Variants in NEK4 observed in about 807,000 individuals in gnomAD.
NEK4 encodes the protein NIMA related kinase 4, also known as serine/threonine-protein kinase Nek4.
NEK4 carries 86 observed loss-of-function variants against 98.4 expected under a neutral mutation model. The ratio of observed to expected loss-of-function variants is 0.87; its 90% CI spans 0.73 to 1.05. The LOEUF is 1.05. Ranked by LOEUF, NEK4 falls within the 50% of genes least tolerant of loss-of-function variation. The probability of loss-of-function intolerance (pLI) is 0.00; values close to 1 mark genes in which losing one functional copy is unlikely to be tolerated. For synonymous variants in NEK4, 328 were observed against 342.2 expected (o/e 0.96, Z 0.46); for missense variants, 898 against 950.3 (o/e 0.94, Z 0.72).
chr3:52,740,514 C>T (rs2159644), intron 13 of NEK4, among the ~76,000 whole-genome samples: 69,424 of 151,954 alleles, frequency 0.46, 16,179 homozygotes, highest in Admixed American at 0.52. Flanking sequence ...AAAGTAAAAA[C>T]AGGCCAGGTG....
Position 52,768,515 on chromosome 3 carries a change from C to T in NEK4, c.183G>A (p.Lys61=), listed in dbSNP as rs564298949. The T allele has an allele frequency of 3.7e-6, 6 of 1,614,200 alleles. No homozygotes were observed. In the African/African-American group the frequency reaches 6.7e-5, roughly 18 times the overall value. Reference sequence around the variant, plus strand: ...CCTTGTAGGTGACAATGTTGGGATGCTTCAACTGAGACAAGAGCTGGGCTT... The same window carrying T: ...CCTTGTAGGTGACAATGTTGGGATGTTTCAACTGAGACAAGAGCTGGGCTT... ...EQEAQLLSQL[K]HPNIVTYKES... The change falls in exon 2 of 16, where the codon AAG becomes AAA. Residue 61 remains lysine (K), a synonymous_variant. Transcript: ENST00000233027.
Position 52,739,500 on chromosome 3 carries a change from C to T in NEK4, c.2228G>A (p.Arg743Gln), listed in dbSNP as rs760299908. 6.2e-6 allele frequency: 10 copies of T among 1,614,078 alleles called. No homozygotes were observed. Among genetic ancestry groups the T allele is most frequent in the Middle Eastern group, 1.6e-4 (1 of 6,062 alleles). ...VSEFKLHRKY[R>Q]DTLILHGKVA... is the part of the protein sequence containing the mutation. ...CTTCCCATGAAGTATCAGTGTGTCC[C>T]GATATTTCCGATGAAGTTTGAATTC... is the stretch of plus-strand genomic sequence containing the variant. The change falls in exon 14 of 16, where the codon CGG becomes CAG. Residue 743 changes from arginine (R) to glutamine (Q), a missense_variant. By Grantham distance (43) the Arg-to-Gln change is conservative. Coordinates refer to ENST00000233027, the MANE Select transcript of NEK4 (RefSeq NM_003157.6).
At chr3:52,725,372 A>C (rs2577836) in intron 15 of NEK4, among the ~76,000 whole-genome samples, 2 of 151,598 alleles carry the variant, frequency 1.3e-5, no homozygotes, top group African/African-American at 4.8e-5. Flanking sequence ...AAAATTAGCC[A>C]GGCATGGTGG....
Position 52,743,455 on chromosome 3 carries a change from G to A in NEK4, c.1901C>T (p.Ser634Leu). 1 of 1,613,744 alleles carries A rather than the reference G, an allele frequency of 6.2e-7. No homozygotes were observed. The highest frequency in any genetic ancestry group is 1.7e-5 in the Admixed American group (1 of 60,004). ...TACACTCAGAGACGCTTTCCTCACT[G>A]AAGGGCCTGAAAAGGCAAACATCCC... ...SQEEMSSSGP[S>L]VRKASLSVAG... Residue 634 changes from serine (S) to leucine (L), a missense_variant, in exon 12 of 16, where the codon TCA becomes TTA. By Grantham distance (145) the Ser-to-Leu change is moderately radical. Transcript: ENST00000233027.
At chr3:52,754,313 GA>G in intron 6 of NEK4, 1 of 359,542 alleles carries the variant, frequency 2.8e-6, no homozygotes. Context: ...AGAGCATTTG[GA>G]AAATGGAGGT....
chr3:52,736,717 G>A (rs1283070536), intron 15 of NEK4, among the ~76,000 whole-genome samples: 2 of 144,820 alleles, frequency 1.4e-5, no homozygotes, highest in African/African-American at 2.6e-5. Context: ...TTAATATTAT[G>A]TGCTTTCTAA....
chr3:52,722,596 T>A (rs1452982820), intron 15 of NEK4, among the ~76,000 whole-genome samples: 1 of 152,148 alleles, frequency 6.6e-6, no homozygotes, highest in Non-Finnish European at 1.5e-5. Flanking sequence ...TAAGATCAGA[T>A]GGCAGACTTA....
intron 6 of NEK4, 22 bp downstream of exon 6, chr3:52,760,773 T>G: frequency 6.3e-7 from 1 of 1,576,690 alleles, no homozygotes; most frequent in Non-Finnish European, 8.6e-7. Context: ...CTAAAACACA[T>G]ACCCTTTAAA....
At chr3:52,764,163 T>A (rs1698462700) in intron 4 of NEK4, among the ~76,000 whole-genome samples, 1 of 151,796 alleles carries the variant, frequency 6.6e-6, no homozygotes, top group African/African-American at 2.4e-5. Context: ...GGCATGCACC[T>A]GTAATCCCAG....
chr3:52,745,672 A>G (rs1332702759), intron 10 of NEK4, among the ~76,000 whole-genome samples: 1 of 152,120 alleles, frequency 6.6e-6, no homozygotes, highest in Non-Finnish European at 1.5e-5. Context: ...TTAATACAAA[A>G]CTTCATAATA....
rs138390090 is a variant in NEK4 at position 52,746,148 on chromosome 3, T to C, written c.1740A>G (p.Thr580=). The change falls in exon 10 of 16, where the codon ACA becomes ACG. Residue 580 remains threonine (T), a synonymous_variant. Coordinates refer to ENST00000233027, the MANE Select transcript of NEK4 (RefSeq NM_003157.6). ...GGTTTTCAGCCTCTTTTTGTGTTGA[T>C]GTGACATCCACTTTCCCAACAATGG... The part of the protein sequence containing the change: ...SHPIVGKVDV[T]STQKEAENQR... 50 of 1,614,016 alleles carry C rather than the reference T, an allele frequency of 3.1e-5. No individual in the cohort carries two copies. Among genetic ancestry groups the C allele is most frequent in the Non-Finnish European group, 3.7e-5 (44 of 1,179,978 alleles).
chr3:52,712,695 T>C (rs2097351588), intron 15 of NEK4, among the ~76,000 whole-genome samples: 1 of 152,176 alleles, frequency 6.6e-6, no homozygotes. Flanking sequence ...GGCTGCTCGG[T>C]GGACCGGGTT....
chr3:52,764,487 C>T (rs1291855877), intron 4 of NEK4, among the ~76,000 whole-genome samples: 2 of 149,524 alleles, frequency 1.3e-5, no homozygotes, highest in African/African-American at 4.9e-5. Flanking sequence ...AAAAAGTGGA[C>T]GGGCGTGGTG....
intron 15 of NEK4, among the ~76,000 whole-genome samples, chr3:52,719,625 T>G (rs2097358378): frequency 6.6e-6 from 1 of 150,836 alleles, no homozygotes; most frequent in African/African-American, 2.4e-5. Context: ...AAGTAGCCAT[T>G]ATAAATATGT....
intron 15 of NEK4, among the ~76,000 whole-genome samples, chr3:52,713,475 T>C (rs183855897): frequency 2.0e-4 from 29 of 144,152 alleles, no homozygotes; most frequent in African/African-American, 6.0e-4. Flanking sequence ...AAAAATAAAA[T>C]AAACATATGG....
At chr3:52,731,102 T>C (rs543436566) in intron 15 of NEK4, among the ~76,000 whole-genome samples, 1 of 152,278 alleles carries the variant, frequency 6.6e-6, no homozygotes, top group East Asian at 1.9e-4. Flanking sequence ...CATATAGAAA[T>C]GTAATATATT....
At chr3:52,714,789 C>G (rs569761497) in intron 15 of NEK4, among the ~76,000 whole-genome samples, 13 of 152,344 alleles carry the variant, frequency 8.5e-5, no homozygotes, top group Admixed American at 6.5e-4. Context: ...TGCCTGGCCT[C>G]TCCCTATTAC....
chr3:52,755,854 A>C (rs1303572715), intron 6 of NEK4, among the ~76,000 whole-genome samples: 2 of 152,232 alleles, frequency 1.3e-5, no homozygotes, highest in Non-Finnish European at 2.9e-5. Context: ...AGCAAGAGGC[A>C]AAGTCAACAT....
chr3:52,755,170 T>A (rs1578686200), intron 6 of NEK4, among the ~76,000 whole-genome samples: 1 of 146,468 alleles, frequency 6.8e-6, no homozygotes, highest in South Asian at 2.1e-4. Context: ...AAATATTGTA[T>A]GATTCCACTT....
Sources: allele counts gnomAD v4.1 joint callset (sites outside exome capture counted in the v4.1 genomes callset), GRCh38; gene constraint gnomAD v4.1.1; transcripts MANE v1.5; gene names NCBI Gene and HGNC (gene_info 2026-07-23, HGNC 2026-07-21).